KYAT3: variants seen among roughly 807,000 people sequenced by gnomAD.
KYAT3 encodes kynurenine--oxoglutarate transaminase 3.
KYAT3 carries 50 observed loss-of-function variants against 59.0 expected under a neutral mutation model. That is an observed-to-expected ratio of 0.85 (90% CI 0.68 to 1.07). KYAT3 has a LOEUF of 1.07. KYAT3 is among the 50% of genes least tolerant of loss of function. KYAT3 has a pLI of 0.00. For synonymous variants in KYAT3, 148 were observed against 177.0 expected, an observed-to-expected ratio of 0.84 and a Z score of 1.30; for missense variants, 497 against 533.3, an observed-to-expected ratio of 0.93 and a Z score of 0.67.
In KYAT3 at chr1:88,942,641, C is replaced by A. The variant is rs1675282541; in HGVS notation, c.1302+364G>T. ...GCAGTGGTGCGATCTCGGCTCACTG[C>A]AAGCTCTTCCTCGCGGGTTCACGCC... On this transcript the variant is annotated intron_variant, in intron 13 of 13. Transcript: ENST00000260508. 3.3e-5 allele frequency among the ~76,000 whole-genome samples: 5 copies of A among 152,230 alleles called. No homozygotes were observed. The South Asian group carries it at 1.0e-3, about 32-fold the overall frequency.
At position 88,988,315 on chromosome 1, in the gene KYAT3, G is replaced by A. The variant is rs781324210; in HGVS notation, c.36C>T (p.Ser12=). 54 of 1,613,282 alleles carry A rather than the reference G, an allele frequency of 3.3e-5. No individual in the cohort carries two copies. Among genetic ancestry groups the A allele is most frequent in the South Asian group, 5.5e-5 (5 of 91,000 alleles). The change falls in exon 2 of 14, where the codon AGC becomes AGT. Residue 12 remains serine (S), a synonymous_variant. Coordinates refer to ENST00000260508, the MANE Select transcript of KYAT3 (RefSeq NM_001008661.3). ...TTGTCTTCAGGAATTTTGCTCTACC[G>A]CTAAGAGAGCAGAGGCTCCTCTGGG... is the stretch of plus-strand genomic sequence containing the variant. ...FLAQRSLCSL[S]GRAKFLKTIS...
Position 88,961,226 on chromosome 1 carries a change from C to T in KYAT3, c.728G>A (p.Cys243Tyr). ...CCATTCATAAACCTCATCGCTGATG[C>T]AGAGTGTGTCATATTTGATGCAAAG... ...ADLCIKYDTL[C>Y]ISDEVYEWLV... Residue 243 changes from cysteine to tyrosine, a missense_variant, in exon 8 of 14, where the codon TGC becomes TAC. Around this residue, in one of 2 missense-constraint regions of KYAT3, gnomAD observed 469 missense variants for 479.1 expected, o/e 0.98. Transcript: ENST00000260508. The T allele has an allele frequency of 6.2e-7, 1 of 1,613,440 alleles. No individual in the cohort carries two copies. Among genetic ancestry groups the T allele is most frequent in the Non-Finnish European group, 8.5e-7 (1 of 1,179,752 alleles).
intron 11 of KYAT3, among the ~76,000 whole-genome samples, chr1:88,946,551 T>C (rs1675448955): frequency 6.6e-6 from 1 of 152,220 alleles, no homozygotes; most frequent in African/African-American, 2.4e-5. Flanking sequence ...CTCACATTCC[T>C]TTTGGAAGCA....
intron 4 of KYAT3, among the ~76,000 whole-genome samples, chr1:88,965,574 A>C (rs1676316839): frequency 6.6e-6 from 1 of 152,206 alleles, no homozygotes; most frequent in South Asian, 2.1e-4. Flanking sequence ...AGGGATTATG[A>C]AGGTACAGCC....
chr1:88,951,239 CT>C lies in KYAT3; in HGVS notation c.954+1823del, dbSNP rs908779781. On this transcript the variant is annotated intron_variant, in intron 10 of 13. Transcript: ENST00000260508. ...TCAACATCTTTTTTTTCTTTCTTTT[CT>C]TTTTTTTTTTTGAGACGAAGTCTTG... 5.0e-3 allele frequency among the ~76,000 whole-genome samples: 726 copies of C among 144,398 alleles called. 9 individuals carry two copies. Among genetic ancestry groups the C allele is most frequent in the Admixed American group, 0.034 (487 of 14,450 alleles). 94.7% of individuals were successfully genotyped at this position (144,398 alleles called of 152,430 possible).
chr1:88,966,422 T>C (rs1226915345), intron 4 of KYAT3, among the ~76,000 whole-genome samples: 2 of 152,162 alleles, frequency 1.3e-5, no homozygotes, highest in Non-Finnish European at 1.5e-5. Context: ...ATAGATTTCA[T>C]CGTACAGATC....
chr1:88,976,541 T>C (rs1676796605), intron 2 of KYAT3, among the ~76,000 whole-genome samples: 2 of 152,212 alleles, frequency 1.3e-5, no homozygotes, highest in African/African-American at 4.8e-5. Flanking sequence ...AACAAGCAAC[T>C]ATGTTACTGG....
chr1:88,992,739 G>C (rs1444961004), upstream of KYAT3: 1 of 148,252 alleles, frequency 6.7e-6, no homozygotes, highest in Admixed American at 6.7e-5. Context: ...GGTAGGCCAG[G>C]ATCTCTAGGC....
chr1:88,970,557 A>C (rs1676517482), intron 2 of KYAT3, among the ~76,000 whole-genome samples: 1 of 152,214 alleles, frequency 6.6e-6, no homozygotes, highest in African/African-American at 2.4e-5. Context: ...TTCTAAAAAT[A>C]TTACTAGAAT....
chr1:88,945,388 T>G lies in KYAT3; in HGVS notation c.1142-1965A>C, dbSNP rs1174497191. Among the ~76,000 whole-genome samples, 4 of 152,200 alleles carry G rather than the reference T, an allele frequency of 2.6e-5. No individual in the cohort carries two copies. In the South Asian group the frequency reaches 8.3e-4, roughly 31 times the overall value. On this transcript the variant is annotated intron_variant, in intron 11 of 13. Coordinates refer to ENST00000260508, the MANE Select transcript of KYAT3 (RefSeq NM_001008661.3). ...TGCATTCTTACTATCTCCTCCATAA[T>G]TTTGGATCCTATTATTTCACTAGAA...
chr1:88,931,372 A>C (rs1247933012), downstream of KYAT3, among the ~76,000 whole-genome samples: 2 of 152,182 alleles, frequency 1.3e-5, no homozygotes, highest in Non-Finnish European at 2.9e-5. Context: ...CCCCAGATGC[A>C]ATCCATGACT....
At chr1:88,930,996 G>A (rs567348563), downstream of KYAT3, among the ~76,000 whole-genome samples, 23 of 152,202 alleles carry the variant, frequency 1.5e-4, no homozygotes, top group South Asian at 2.1e-3. Flanking sequence ...ACCAAGCCCC[G>A]GTACTCAGAA....
intron 2 of KYAT3, chr1:88,982,439 G>A: frequency 1.0e-6 from 1 of 991,480 alleles, no homozygotes; most frequent in Non-Finnish European, 1.4e-6. Flanking sequence ...ACATTTGCTT[G>A]TTGAAAAGCA....
At chr1:88,981,890 G>A (rs1168179685) in intron 2 of KYAT3, 3 of 847,550 alleles carry the variant, frequency 3.5e-6, no homozygotes, top group South Asian at 5.4e-5. Flanking sequence ...CAATCAAGCT[G>A]TTCCTTTAAA....
chr1:88,976,600 C>T (rs535592559), intron 2 of KYAT3, among the ~76,000 whole-genome samples: 46 of 151,962 alleles, frequency 3.0e-4, no homozygotes, highest in Admixed American at 7.2e-4. Flanking sequence ...TAGAGTGTAC[C>T]CTTACTTATT....
downstream of KYAT3, among the ~76,000 whole-genome samples, chr1:88,935,374 G>GA (rs1190806182): frequency 9.6e-6 from 1 of 103,940 alleles, no homozygotes; most frequent in Non-Finnish European, 2.1e-5. Context: ...GAGAGAGAGA[G>GA]AGAAAAAAAA....
At chr1:88,934,047 T>C (rs546975472), downstream of KYAT3, among the ~76,000 whole-genome samples, 8 of 152,340 alleles carry the variant, frequency 5.3e-5, no homozygotes, top group East Asian at 1.5e-3. Flanking sequence ...TGGTAGCTTG[T>C]TTTTTCATTA....
intron 2 of KYAT3, among the ~76,000 whole-genome samples, chr1:88,987,338 C>CG (rs1333599736): frequency 6.6e-6 from 1 of 151,866 alleles, no homozygotes; most frequent in East Asian, 1.9e-4. Context: ...AAGGTGGTCA[C>CG]GGTGGCATAA....
At position 88,982,745 on chromosome 1, in the gene KYAT3, T is replaced by G. The variant is rs1412553067; in HGVS notation, c.99+5507A>C. ...TCCGCGGCTTGAACTGCTGTAGGAA[T>G]CACGTGAAGAAGGGTACCCCCTTTC... On this transcript the variant is annotated intron_variant, in intron 2 of 13. Transcript: ENST00000260508. 1.2e-6 allele frequency: 2 copies of G among 1,613,950 alleles called. No homozygotes were observed. The highest frequency in any genetic ancestry group is 1.7e-6 in the Non-Finnish European group (2 of 1,179,874).
Sources: gnomAD v4.1 joint callset for allele counts (sites outside exome capture counted in the v4.1 genomes callset) on GRCh38, gnomAD v4.1.1 for gene constraint, gnomAD v4.1.1 regional missense constraint, MANE v1.5 for transcripts, NCBI Gene and HGNC (gene_info 2026-07-23, HGNC 2026-07-21) for gene names.